DST: variants seen among roughly 807,000 people sequenced by gnomAD.
DST encodes the protein dystonin.
Under a neutral mutation model 875.2 loss-of-function variants are expected in DST, and 253 were observed. The ratio of observed to expected loss-of-function variants is 0.29; its 90% CI spans 0.26 to 0.32. The LOEUF is 0.32. Among genes scored for constraint, DST ranks in the 10% least tolerant of loss-of-function variants. The pLI, the probability that DST is intolerant of heterozygous loss-of-function variation, is 1.00. For missense variants in DST, 8,287 were observed against 9,111.6 expected (o/e 0.91, Z 3.68); for synonymous variants, 3,124 against 3,197.1 (o/e 0.98, Z 0.77).
chr6:56,561,449 G>A lies in DST; in HGVS notation c.14169C>T (p.Leu4723=). ...CTTCCTGAGCCTTTTGCAATTTGGA[G>A]AGTTTAGTGTTCAGTTCCGCTATTT... is the stretch of plus-strand genomic sequence containing the variant. The part of the protein sequence containing the change: ...KDKIAELNTK[L]SKLQKAQEES... Residue 4723 remains leucine, a synonymous_variant, in exon 57 of 104, where the codon CTC becomes CTT. Transcript: ENST00000680361. 6.2e-7 allele frequency: 1 copy of A among 1,613,876 alleles called. No individual in the cohort carries two copies. Among genetic ancestry groups the A allele is most frequent in the African/African-American group, 1.3e-5 (1 of 75,030 alleles).
chr6:56,864,721 C>G (rs1434994471), intron 3 of DST, among the ~76,000 whole-genome samples: 1 of 152,002 alleles, frequency 6.6e-6, no homozygotes, highest in East Asian at 1.9e-4. Context: ...ACATACTACT[C>G]AATACATTTC....
At chr6:56,616,682 C>A (rs766861762) in intron 36 of DST, 3 of 1,614,046 alleles carry the variant, frequency 1.9e-6, no homozygotes, top group East Asian at 2.2e-5. Context: ...TGGAGGAACA[C>A]GAATGCCTCT....
intron 2 of DST, among the ~76,000 whole-genome samples, chr6:56,938,326 G>A (rs1045223821): frequency 6.6e-6 from 1 of 151,792 alleles, no homozygotes; most frequent in Non-Finnish European, 1.5e-5. Context: ...GTTTCACTAT[G>A]TTGCCCAGAC....
In DST at chr6:56,639,314, T is replaced by G; in HGVS notation, c.2909A>C (p.Gln970Pro). The change falls in exon 22 of 104, where the codon CAG (glutamine) becomes CCG (proline). Residue 970 changes from glutamine (Q) to proline (P), a missense_variant. Physicochemically the swap from Gln to Pro is moderately conservative, Grantham distance 76. Coordinates refer to ENST00000680361, the MANE Select transcript of DST (RefSeq NM_001374736.1). ...TAGAAGTAGCTGCTCTGCTATCTCC[T>G]GAACTGATTTAATATTTTCTTCCTT... ...DQKEENIKSV[Q>P]EIAEQLLLEN... The G allele has an allele frequency of 6.2e-7, 1 of 1,613,830 alleles. No individual in the cohort carries two copies. The highest frequency in any genetic ancestry group is 8.5e-7 in the Non-Finnish European group (1 of 1,179,852).
At chr6:56,805,487 A>G (rs1450445490) in intron 4 of DST, among the ~76,000 whole-genome samples, 1 of 152,224 alleles carries the variant, frequency 6.6e-6, no homozygotes, top group Non-Finnish European at 1.5e-5. Flanking sequence ...ATTAAAAACA[A>G]ACAAAAAAAA....
Position 56,625,283 on chromosome 6 carries a change from A to G in DST, c.4723-19T>C. 6.6e-7 allele frequency: 1 copy of G among 1,516,382 alleles called. No homozygotes were observed. Among genetic ancestry groups the G allele is most frequent in the Non-Finnish European group, 9.2e-7 (1 of 1,091,230 alleles). The allele number at this position is 1,516,382 out of a possible 1,614,324, so 93.9% of individuals were successfully genotyped here. A position where few individuals can be genotyped will look rare whatever the true frequency, so the allele number is the denominator to read the frequency against. ...CATAGTCCTGTATAAAGGAGTCAAT[A>G]AGATAAAATGAATTGAAGCAAAGTA... is the stretch of plus-strand genomic sequence containing the variant. On this transcript the variant is annotated intron_variant, in intron 34 of 103. Coordinates refer to ENST00000680361, the MANE Select transcript of DST (RefSeq NM_001374736.1).
intron 61 of DST, among the ~76,000 whole-genome samples, chr6:56,551,972 T>C (rs1352581557): frequency 6.6e-6 from 1 of 152,190 alleles, no homozygotes; most frequent in Non-Finnish European, 1.5e-5. Flanking sequence ...TCTGATTTTA[T>C]CTCAGACCTT....
intron 4 of DST, among the ~76,000 whole-genome samples, chr6:56,768,043 C>T (rs1335167365): frequency 6.6e-6 from 1 of 152,024 alleles, no homozygotes; most frequent in East Asian, 1.9e-4. Context: ...ACCATATAAG[C>T]CATTTCGAAG....
chr6:56,571,005 T>G (rs761053610), intron 53 of DST, among the ~76,000 whole-genome samples: 3 of 152,176 alleles, frequency 2.0e-5, no homozygotes, highest in Non-Finnish European at 4.4e-5. Context: ...GTAGTCCAGA[T>G]TCAAGTCTCC....
intron 49 of DST, among the ~76,000 whole-genome samples, chr6:56,590,405 ATT>A (rs768059544): frequency 1.3e-5 from 2 of 152,134 alleles, no homozygotes; most frequent in Non-Finnish European, 2.9e-5. Context: ...TATTTTATGC[ATT>A]TTCTATACTT....
chr6:56,783,281 T>C (rs959903250), intron 4 of DST, among the ~76,000 whole-genome samples: 4 of 152,320 alleles, frequency 2.6e-5, no homozygotes, highest in Non-Finnish European at 5.9e-5. Flanking sequence ...GGTATCCTTG[T>C]TAACTTTCTG....
intron 4 of DST, among the ~76,000 whole-genome samples, chr6:56,794,292 T>G (rs1221413664): frequency 1.3e-5 from 2 of 152,218 alleles, no homozygotes; most frequent in Admixed American, 1.3e-4. Context: ...ACAATCATAT[T>G]ATTCAGTTCT....
intron 17 of DST, among the ~76,000 whole-genome samples, chr6:56,641,714 T>C (rs2098905792): frequency 6.6e-6 from 1 of 152,202 alleles, no homozygotes; most frequent in East Asian, 1.9e-4. Context: ...TTTAACGAGT[T>C]AGTTACTGCA....
chr6:56,508,667 C>T lies in DST; in HGVS notation c.19101G>A (p.Val6367=). ...VEEREAKLLD[V]MELAEKFWCD... ...ACCAGAACTTTTCTGCTAGCTCCAT[C>T]ACATCCAGTAGTTTGGCTTCCCTCT... Residue 6367 remains valine (V), a synonymous_variant, in exon 75 of 104, where the codon GTG becomes GTA. Coordinates refer to ENST00000680361, the MANE Select transcript of DST (RefSeq NM_001374736.1). 1 of 1,613,904 alleles carries T rather than the reference C, an allele frequency of 6.2e-7. No individual in the cohort carries two copies. The highest frequency in any genetic ancestry group is 8.5e-7 in the Non-Finnish European group (1 of 1,179,816).
intron 4 of DST, 118 bp from the exon 5 acceptor site, chr6:56,735,407 A>C (rs2152929822): frequency 1.4e-6 from 1 of 704,444 alleles, no homozygotes. Flanking sequence ...GTGTATTCAA[A>C]GTTTCTTGTT....
chr6:56,527,633 C>A lies in DST; in HGVS notation c.17782G>T (p.Ala5928Ser). ...STDVAKTLEQ[A>S]LQLARRLHST... ...TGCAGCCGCCTTGCAAGCTGCAGCG[C>A]CTGTTCCAGAGTCTTGGCCACATCA... is the stretch of plus-strand genomic sequence containing the variant. The change falls in exon 68 of 104, where the codon GCG (alanine) becomes TCG (serine). Residue 5928 changes from alanine to serine, a missense_variant. Physicochemically the swap from Ala to Ser is moderately conservative, Grantham distance 99. Transcript: ENST00000680361. The A allele has an allele frequency of 6.2e-7, 1 of 1,613,804 alleles. No individual in the cohort carries two copies. Among genetic ancestry groups the A allele is most frequent in the Non-Finnish European group, 8.5e-7 (1 of 1,179,842 alleles).
In DST at chr6:56,886,334, A is replaced by G. The variant is rs1463353173; in HGVS notation, c.417+14087T>C. ...CCTTATGAACTTAAGCCAATCACCT[A>G]CTCACTGAGGTTTAGTTTTGTCAAA... On this transcript the variant is annotated intron_variant, in intron 3 of 103. Transcript: ENST00000680361. 3.9e-5 allele frequency among the ~76,000 whole-genome samples: 6 copies of G among 152,152 alleles called. No individual in the cohort carries two copies. In the East Asian group the frequency reaches 9.6e-4, roughly 24 times the overall value.
intron 2 of DST, among the ~76,000 whole-genome samples, chr6:56,913,593 T>TA (rs149613902): frequency 0.032 from 4,869 of 152,292 alleles, 255 homozygotes; most frequent in African/African-American, 0.11. Context: ...CTGTACTTAT[T>TA]ATCTGGCCCT....
chr6:56,476,029 TGAG>T, intron 92 of DST, 117 bp downstream of exon 92: 1 of 868,434 alleles, frequency 1.2e-6, no homozygotes, highest in Non-Finnish European at 1.7e-6. Flanking sequence ...TGTAAGGAGC[TGAG>T]GAGTCTGAAG....
Sources: gnomAD v4.1 joint callset for allele counts (sites outside exome capture counted in the v4.1 genomes callset) on GRCh38, gnomAD v4.1.1 for gene constraint, MANE v1.5 for transcripts, NCBI Gene and HGNC (gene_info 2026-07-23, HGNC 2026-07-21) for gene names.